Variants in SAMD5 observed in about 807,000 individuals in gnomAD.
The protein encoded by SAMD5 is sterile alpha motif domain containing 5.
SAMD5 carries 13 observed loss-of-function variants against 11.3 expected under a neutral mutation model. That is an observed-to-expected ratio of 1.15 (90% CI 0.75 to 1.83). The LOEUF is 1.83. Ranked by LOEUF, SAMD5 falls within the 40% of genes most tolerant of loss-of-function variation. SAMD5 has a pLI of 0.00. For synonymous variants in SAMD5, 129 were observed against 111.3 expected, an observed-to-expected ratio of 1.16 and a Z score of -1.00; for missense variants, 255 against 239.1, an observed-to-expected ratio of 1.07 and a Z score of -0.44.
downstream of SAMD5, among the ~76,000 whole-genome samples, chr6:147,572,059 G>T (rs184470201): frequency 2.7e-4 from 41 of 152,042 alleles, no homozygotes; most frequent in African/African-American, 9.9e-4. Context: ...TCCCCACTTG[G>T]TGCTTCCCTC....
chr6:147,574,598 G>A (rs555996519), downstream of SAMD5, among the ~76,000 whole-genome samples: 1 of 152,302 alleles, frequency 6.6e-6, no homozygotes, highest in East Asian at 1.9e-4. Flanking sequence ...CTGAGACTGG[G>A]TAAAGAATAG....
chr6:147,738,607 T>A (rs1639357751), downstream of SAMD5, among the ~76,000 whole-genome samples: 1 of 152,328 alleles, frequency 6.6e-6, no homozygotes, highest in South Asian at 2.1e-4. Flanking sequence ...TTTGAATATT[T>A]TCATAGCAGA....
the SAMD5 span, among the ~76,000 whole-genome samples, chr6:147,873,996 C>A: frequency 6.6e-6 from 1 of 152,120 alleles, no homozygotes; most frequent in African/African-American, 2.4e-5. Flanking sequence ...CTCTTGAGAA[C>A]AAGTCATCAA....
At chr6:147,572,091 A>G (rs533518250), downstream of SAMD5, among the ~76,000 whole-genome samples, 51 of 151,858 alleles carry the variant, frequency 3.4e-4, no homozygotes, top group African/African-American at 1.2e-3. Context: ...ATTATCTGGC[A>G]TGGTGCAGGT....
Position 147,734,890 on chromosome 6 carries a change from T to G in SAMD5, c.163-2427T>G, listed in dbSNP as rs552508587. The stretch of plus-strand genomic sequence containing the variant: ...AAGGCACCTAGGCTGGAAGCGCTAA[T>G]TTTATGACTTCTGCAAGGTATTGAC... On this transcript the variant is annotated intron_variant, in intron 1 of 1. Coordinates refer to the SAMD5 transcript ENST00000566741. Among the ~76,000 whole-genome samples, 18 of 152,188 alleles carry G rather than the reference T, an allele frequency of 1.2e-4. No homozygotes were observed. In the East Asian group the frequency reaches 3.3e-3, roughly 28 times the overall value.
At chr6:147,517,440 G>A (rs981503116) in intron 1 of SAMD5, among the ~76,000 whole-genome samples, 1 of 152,150 alleles carries the variant, frequency 6.6e-6, no homozygotes, top group Non-Finnish European at 1.5e-5. Flanking sequence ...GTGGCCATGT[G>A]TCAGCTGTGT....
At chr6:147,849,901 T>C in the SAMD5 span, among the ~76,000 whole-genome samples, 1 of 152,226 alleles carries the variant, frequency 6.6e-6, no homozygotes, top group African/African-American at 2.4e-5. Context: ...TTTAGTTGGA[T>C]TCTGGCACAC....
intron 1 of SAMD5, among the ~76,000 whole-genome samples, chr6:147,610,292 C>A (rs1789763436): frequency 6.6e-6 from 1 of 152,054 alleles, no homozygotes; most frequent in South Asian, 2.1e-4. Flanking sequence ...ACTGATCTAC[C>A]CCATTGATGT....
At chr6:147,717,625 A>C (rs1791486778) in intron 1 of SAMD5, among the ~76,000 whole-genome samples, 1 of 152,206 alleles carries the variant, frequency 6.6e-6, no homozygotes, top group African/African-American at 2.4e-5. Flanking sequence ...ATCTACAATG[A>C]ATTTTAAAAC....
At chr6:147,547,665 C>G (rs1293652978) in intron 1 of SAMD5, among the ~76,000 whole-genome samples, 1 of 152,152 alleles carries the variant, frequency 6.6e-6, no homozygotes, top group African/African-American at 2.4e-5. Flanking sequence ...AATAATCTCC[C>G]TTTTGTCATG....
chr6:147,856,348 G>A, the SAMD5 span, among the ~76,000 whole-genome samples: 2 of 152,152 alleles, frequency 1.3e-5, no homozygotes, highest in East Asian at 3.9e-4. Context: ...TTGGGGTGAC[G>A]CATATGTTCA....
chr6:147,634,931 C>G (rs906572278), intron 1 of SAMD5, among the ~76,000 whole-genome samples: 2 of 78,650 alleles, frequency 2.5e-5, no homozygotes, highest in Non-Finnish European at 6.8e-5. Flanking sequence ...CATGAAGCCA[C>G]TTAGTAGTAC....
At chr6:147,764,830 A>C in the SAMD5 span, among the ~76,000 whole-genome samples, 1 of 152,166 alleles carries the variant, frequency 6.6e-6, no homozygotes, top group African/African-American at 2.4e-5. Context: ...ATACAATTTA[A>C]TCATGTAACC....
intron 1 of SAMD5, among the ~76,000 whole-genome samples, chr6:147,530,020 C>A (rs1788403164): frequency 6.6e-6 from 1 of 152,130 alleles, no homozygotes; most frequent in African/African-American, 2.4e-5. Flanking sequence ...TCTTCAGCAC[C>A]TTTTCTTATG....
chr6:147,600,676 C>A (rs552909545), intron 1 of SAMD5, among the ~76,000 whole-genome samples: 67 of 152,268 alleles, frequency 4.4e-4, no homozygotes, highest in African/African-American at 1.3e-3. Flanking sequence ...GGATTGTCAC[C>A]CTTGATGATT....
At chr6:147,585,190 G>A (rs1049383748) in intron 1 of SAMD5, among the ~76,000 whole-genome samples, 5 of 152,146 alleles carry the variant, frequency 3.3e-5, no homozygotes, top group Non-Finnish European at 7.3e-5. Context: ...ATATCATGGC[G>A]CTTAGATGGA....
At chr6:147,919,991 A>G in the SAMD5 span, among the ~76,000 whole-genome samples, 5 of 152,294 alleles carry the variant, frequency 3.3e-5, no homozygotes, top group East Asian at 9.6e-4. Flanking sequence ...TGTGCTTGTG[A>G]TTTGATTTAA....
chr6:147,827,655 A>T, the SAMD5 span, among the ~76,000 whole-genome samples: 94 of 152,326 alleles, frequency 6.2e-4, no homozygotes, highest in Non-Finnish European at 9.3e-4. Context: ...TGGAACAGCT[A>T]CTTCTACTAG....
chr6:147,716,005 G>A (rs918543125), intron 1 of SAMD5, among the ~76,000 whole-genome samples: 2 of 152,162 alleles, frequency 1.3e-5, no homozygotes, highest in African/African-American at 4.8e-5. Context: ...TCTGGTCCAT[G>A]GGACTGGCAT....
Sources: allele counts gnomAD v4.1 joint callset (sites outside exome capture counted in the v4.1 genomes callset), GRCh38; gene constraint gnomAD v4.1.1; transcripts MANE v1.5; gene names NCBI Gene and HGNC (gene_info 2026-07-23, HGNC 2026-07-21).